Variants in ATXN1 observed in about 807,000 individuals in gnomAD.
ATXN1 encodes the protein ataxin 1.
A neutral mutation model predicts 56.4 loss-of-function variants in ATXN1; 8 were observed. The observed-to-expected ratio is 0.14, with a 90% confidence interval of 0.08 to 0.26. The LOEUF (loss-of-function observed/expected upper bound fraction) is 0.26. Ranked by LOEUF, ATXN1 falls within the 10% of genes least tolerant of loss-of-function variation. The pLI, the probability that ATXN1 is intolerant of heterozygous loss-of-function variation, is 1.00. For synonymous variants in ATXN1, 514 were observed against 494.6 expected (o/e 1.04, Z -0.52); for missense variants, 987 against 1,106.5 (o/e 0.89, Z 1.53).
intron 3 of ATXN1, among the ~76,000 whole-genome samples, chr6:16,605,808 T>C (rs1282915332): frequency 1.3e-5 from 2 of 152,180 alleles, no homozygotes; most frequent in African/African-American, 4.8e-5. Context: ...GCCGGGTCTA[T>C]ATTCCCTTAA....
At chr6:16,742,703 A>C (rs879291840) in intron 2 of ATXN1, among the ~76,000 whole-genome samples, 10 of 152,198 alleles carry the variant, frequency 6.6e-5, no homozygotes, top group Non-Finnish European at 2.9e-5. Context: ...TACAACCCAG[A>C]GGAGATGGAT....
At chr6:16,491,283 T>TATTATTATTATTATTA (rs57752763) in intron 5 of ATXN1, among the ~76,000 whole-genome samples, 3 of 115,388 alleles carry the variant, frequency 2.6e-5, no homozygotes, top group Admixed American at 9.2e-5. Context: ...TATTATTTTT[T>TATTATTATTATTATTA]TTTTTTTTTT....
At chr6:16,344,270 C>T (rs1318987109) in intron 6 of ATXN1, among the ~76,000 whole-genome samples, 1 of 152,222 alleles carries the variant, frequency 6.6e-6, no homozygotes, top group East Asian at 1.9e-4. Flanking sequence ...ACCAGCCACC[C>T]CCGCATGCCT....
intron 3 of ATXN1, among the ~76,000 whole-genome samples, chr6:16,641,121 A>G (rs1763699134): frequency 6.6e-6 from 1 of 152,234 alleles, no homozygotes; most frequent in Non-Finnish European, 1.5e-5. Flanking sequence ...TTGGAGAAGA[A>G]AAGTTTGAAG....
chr6:16,747,937 G>A (rs770115927), intron 2 of ATXN1, among the ~76,000 whole-genome samples: 8 of 152,124 alleles, frequency 5.3e-5, no homozygotes, highest in Admixed American at 6.5e-5. Context: ...TGCGTTCAGC[G>A]CCACACCACC....
At chr6:16,538,206 G>A (rs572802012) in intron 4 of ATXN1, among the ~76,000 whole-genome samples, 3 of 152,276 alleles carry the variant, frequency 2.0e-5, no homozygotes, top group South Asian at 2.1e-4. Flanking sequence ...TAAGGGCACC[G>A]GGGCAGAGCC....
At chr6:16,574,260 C>G (rs1762382221) in intron 4 of ATXN1, among the ~76,000 whole-genome samples, 1 of 152,240 alleles carries the variant, frequency 6.6e-6, no homozygotes, top group Non-Finnish European at 1.5e-5. Flanking sequence ...GGCTGGCATG[C>G]AGTGGCGCGA....
At chr6:16,507,150 T>C (rs769223707) in intron 5 of ATXN1, among the ~76,000 whole-genome samples, 5 of 152,230 alleles carry the variant, frequency 3.3e-5, no homozygotes, top group Admixed American at 6.5e-5. Context: ...GAACTTTTAA[T>C]ATGAATTTGT....
At chr6:16,421,285 C>T (rs1026903386) in intron 6 of ATXN1, among the ~76,000 whole-genome samples, 1 of 152,112 alleles carries the variant, frequency 6.6e-6, no homozygotes. Flanking sequence ...CTGAAACCAA[C>T]CCCACATATC....
At chr6:16,675,797 G>A (rs1012083158) in intron 2 of ATXN1, among the ~76,000 whole-genome samples, 5 of 152,134 alleles carry the variant, frequency 3.3e-5, no homozygotes, top group African/African-American at 1.2e-4. Flanking sequence ...GCTGAGGCAG[G>A]AGAATCACTT....
chr6:16,441,727 C>A (rs964527693), intron 6 of ATXN1, among the ~76,000 whole-genome samples: 1 of 152,028 alleles, frequency 6.6e-6, no homozygotes, highest in Non-Finnish European at 1.5e-5. Context: ...AATCCATTTT[C>A]TAGATGAAGA....
intron 5 of ATXN1, among the ~76,000 whole-genome samples, chr6:16,497,628 C>T (rs778192149): frequency 6.6e-6 from 1 of 152,222 alleles, no homozygotes; most frequent in Non-Finnish European, 1.5e-5. Flanking sequence ...CATCTGTTTC[C>T]AAGACTTAAC....
chr6:16,749,603 C>G (rs564736557), intron 2 of ATXN1, among the ~76,000 whole-genome samples: 21 of 152,104 alleles, frequency 1.4e-4, no homozygotes, highest in African/African-American at 5.1e-4. Context: ...TTATGGCCCA[C>G]GCATACATCA....
intron 2 of ATXN1, among the ~76,000 whole-genome samples, chr6:16,673,142 T>C (rs1758582787): frequency 6.6e-6 from 1 of 151,656 alleles, no homozygotes; most frequent in East Asian, 1.9e-4. Context: ...TGGTGAGACC[T>C]GTATTGGATT....
At chr6:16,396,261 A>G (rs1045326266) in intron 6 of ATXN1, among the ~76,000 whole-genome samples, 15 of 147,948 alleles carry the variant, frequency 1.0e-4, no homozygotes, top group Non-Finnish European at 2.2e-4. Context: ...AGAAAACTTA[A>G]AAAAAAAAAA....
intron 3 of ATXN1, among the ~76,000 whole-genome samples, chr6:16,639,072 A>C (rs184114598): frequency 2.0e-5 from 3 of 147,526 alleles, no homozygotes; most frequent in Admixed American, 1.4e-4. Context: ...AGGTTTGTAA[A>C]ATGGACCAAT....
At chr6:16,335,215 CCTT>C (rs1169086433) in intron 6 of ATXN1, among the ~76,000 whole-genome samples, 4 of 152,250 alleles carry the variant, frequency 2.6e-5, no homozygotes, top group Non-Finnish European at 5.9e-5. Flanking sequence ...TGACTATTGA[CCTT>C]CTCTTCCATG....
intron 2 of ATXN1, among the ~76,000 whole-genome samples, chr6:16,677,764 T>C (rs1399028940): frequency 2.0e-5 from 3 of 152,238 alleles, no homozygotes; most frequent in African/African-American, 7.2e-5. Context: ...TAATTGTGAA[T>C]GTAAGCAAGA....
intron 3 of ATXN1, among the ~76,000 whole-genome samples, chr6:16,623,166 G>A (rs930783152): frequency 6.6e-6 from 1 of 152,068 alleles, no homozygotes; most frequent in African/African-American, 2.4e-5. Flanking sequence ...ATAAAGCTGT[G>A]CTGGAGAGCC....
Sources: allele counts gnomAD v4.1 joint callset (sites outside exome capture counted in the v4.1 genomes callset), GRCh38; gene constraint gnomAD v4.1.1; transcripts MANE v1.5; gene names NCBI Gene and HGNC (gene_info 2026-07-23, HGNC 2026-07-21).